Variants in ECD observed in about 807,000 individuals in gnomAD.
ECD encodes the protein protein ecdysoneless homolog.
ECD carries 59 observed loss-of-function variants against 77.2 expected under a neutral mutation model. That is an observed-to-expected ratio of 0.76 (90% confidence interval 0.62 to 0.95). The LOEUF is 0.95. Among genes scored for constraint, ECD ranks in the 40% least tolerant of loss-of-function variants. The pLI is 0.00. For synonymous variants in ECD, 233 were observed against 267.4 expected (o/e 0.87, Z 1.26); for missense variants, 704 against 763.4 (o/e 0.92, Z 0.92).
At chr10:73,135,549 T>C (rs1589676735) in intron 13 of ECD, among the ~76,000 whole-genome samples, 1 of 151,870 alleles carries the variant, frequency 6.6e-6, no homozygotes, top group African/African-American at 2.4e-5. Flanking sequence ...GGTGAAACCC[T>C]GTCTCTACTA....
intron 12 of ECD, 149 bp downstream of exon 12, chr10:73,137,854 A>G: frequency 1.0e-5 from 5 of 493,556 alleles, no homozygotes; most frequent in Non-Finnish European, 1.8e-5. Flanking sequence ...AAAATTATTC[A>G]TGGGTAGTAA....
chr10:73,136,015 T>A (rs1842970642), intron 13 of ECD, among the ~76,000 whole-genome samples: 1 of 152,210 alleles, frequency 6.6e-6, no homozygotes, highest in Non-Finnish European at 1.5e-5. Context: ...CTGTCTAATT[T>A]GGTTCTCATG....
chr10:73,156,511 G>C, intron 4 of ECD, 57 bp downstream of exon 4: 1 of 1,609,310 alleles, frequency 6.2e-7, no homozygotes, highest in Non-Finnish European at 8.5e-7. Context: ...AGGTACATAT[G>C]AATGTAATGC....
chr10:73,148,498 G>A (rs1296463953), intron 7 of ECD, 94 bp from the exon 8 acceptor site: 3 of 1,370,148 alleles, frequency 2.2e-6, no homozygotes, highest in East Asian at 4.9e-5. Context: ...CCACACTCTA[G>A]AACTAGATGA....
intron 2 of ECD, among the ~76,000 whole-genome samples, chr10:73,161,052 G>C (rs1237384515): frequency 6.6e-6 from 1 of 151,954 alleles, no homozygotes; most frequent in Non-Finnish European, 1.5e-5. Context: ...AAAATATCTT[G>C]GGACAAATGA....
chr10:73,158,792 G>A (rs11000534), intron 3 of ECD, among the ~76,000 whole-genome samples: 15,932 of 151,942 alleles, frequency 0.1, 1,222 homozygotes, highest in East Asian at 0.3. Context: ...AGTACCAGCT[G>A]CTTGGGAGAC....
At chr10:73,137,955 T>C in intron 12 of ECD, 48 bp downstream of exon 12, 2 of 1,414,744 alleles carry the variant, frequency 1.4e-6, no homozygotes, top group Non-Finnish European at 9.6e-7. Flanking sequence ...GCAACAGCCA[T>C]ACTACTAACA....
chr10:73,156,594 G>A lies in ECD; in HGVS notation c.385C>T (p.Leu129=). The A allele has an allele frequency of 6.2e-7, 1 of 1,614,074 alleles. No individual in the cohort carries two copies. ...CTATTGGTGCTATTTTCAGGATCCA[G>A]CCATTTAGGGAGAAAGTCAGCAGCT... ...IEAADFLPKW[L]DPENSTNRVF... The change falls in exon 4 of 14, where the codon CTG becomes TTG. Residue 129 remains leucine, a synonymous_variant. Coordinates refer to ENST00000372979, the MANE Select transcript of ECD (RefSeq NM_007265.3).
intron 7 of ECD, among the ~76,000 whole-genome samples, chr10:73,150,113 A>C (rs1589117173): frequency 6.6e-6 from 1 of 152,212 alleles, no homozygotes; most frequent in Non-Finnish European, 1.5e-5. Flanking sequence ...ATGCTACCTG[A>C]CTTCAAACTA....
intron 5 of ECD, 106 bp downstream of exon 5, chr10:73,156,169 C>T: frequency 9.9e-7 from 1 of 1,008,286 alleles, no homozygotes; most frequent in South Asian, 2.0e-5. Flanking sequence ...AAAGACTGAT[C>T]AACTCCAACA....
chr10:73,137,054 T>C, intron 12 of ECD, 136 bp from the exon 13 acceptor site: 1 of 383,778 alleles, frequency 2.6e-6, no homozygotes, highest in Non-Finnish European at 4.0e-6. Flanking sequence ...ACACAGTCAG[T>C]CTACTTCACA....
At chr10:73,162,906 T>C (rs1200775126) in intron 2 of ECD, among the ~76,000 whole-genome samples, 5 of 152,206 alleles carry the variant, frequency 3.3e-5, no homozygotes, top group African/African-American at 7.2e-5. Context: ...AACCCAAACA[T>C]TGCAGGGCAT....
At chr10:73,143,847 T>TTTTC (rs753288233) in intron 9 of ECD, among the ~76,000 whole-genome samples, 14 of 150,304 alleles carry the variant, frequency 9.3e-5, no homozygotes, top group Admixed American at 7.3e-4. Flanking sequence ...TTTTTTTTTT[T>TTTTC]CACTGCATTA....
intron 11 of ECD, 55 bp downstream of exon 11, chr10:73,139,254 G>T: frequency 9.9e-5 from 134 of 1,350,932 alleles, no homozygotes; most frequent in Middle Eastern, 2.0e-4. Context: ...CAATGACTAT[G>T]ACTTCAACAT....
intron 7 of ECD, among the ~76,000 whole-genome samples, chr10:73,151,131 G>C (rs1843196219): frequency 6.6e-6 from 1 of 151,990 alleles, no homozygotes; most frequent in Admixed American, 6.6e-5. Context: ...CAACCCAAAT[G>C]TCCAACAATG....
At chr10:73,141,749 C>T (rs1843061252) in intron 9 of ECD, among the ~76,000 whole-genome samples, 1 of 152,156 alleles carries the variant, frequency 6.6e-6, no homozygotes, top group Non-Finnish European at 1.5e-5. Context: ...GTAACGTTTA[C>T]ATATTAATAA....
At chr10:73,146,232 C>T (rs1843126702) in intron 9 of ECD, 44 bp downstream of exon 9, 1 of 1,055,516 alleles carries the variant, frequency 9.5e-7, no homozygotes, top group Non-Finnish European at 1.4e-6. Flanking sequence ...AAAAGAACTA[C>T]CTAAATACCA....
At chr10:73,158,891 T>C (rs1843338388) in intron 3 of ECD, among the ~76,000 whole-genome samples, 1 of 151,772 alleles carries the variant, frequency 6.6e-6, no homozygotes, top group Non-Finnish European at 1.5e-5. Flanking sequence ...AAATAAATAA[T>C]AAATAAATTT....
rs145768355 is a variant in ECD at position 73,154,368 on chromosome 10, C to T, written c.671G>A (p.Arg224His). Reference protein sequence around the residue: ...PAGIVAVLKQRPRLVAAAVQA... With the variant: ...PAGIVAVLKQHPRLVAAAVQA... Reference sequence around the variant, plus strand: ...GACTGCTGCAGCCACCAATCTGGGGCGCTGCTTTAGCACTGCCACAATGCC... The same window carrying T: ...GACTGCTGCAGCCACCAATCTGGGGTGCTGCTTTAGCACTGCCACAATGCC... Residue 224 changes from arginine to histidine, a missense_variant, in exon 6 of 14, where the codon CGC becomes CAC. Arg to His is a conservative substitution (Grantham distance 29). Around this residue, in one of 3 missense-constraint regions of ECD, gnomAD observed 559 missense variants for 583.7 expected, o/e 0.96. Coordinates refer to ENST00000372979, the MANE Select transcript of ECD (RefSeq NM_007265.3). The T allele has an allele frequency of 2.7e-5, 44 of 1,613,928 alleles. No individual in the cohort carries two copies. In the South Asian group the frequency reaches 3.5e-4, roughly 13 times the overall value.
Sources: gnomAD v4.1 joint callset for allele counts (sites outside exome capture counted in the v4.1 genomes callset) on GRCh38, gnomAD v4.1.1 for gene constraint, gnomAD v4.1.1 regional missense constraint, MANE v1.5 for transcripts, NCBI Gene and HGNC (gene_info 2026-07-23, HGNC 2026-07-21) for gene names.